Variants in MAN1B1 observed in about 807,000 individuals in gnomAD.
MAN1B1 encodes the protein endoplasmic reticulum mannosyl-oligosaccharide 1,2-alpha-mannosidase.
Under a neutral mutation model 75.5 loss-of-function variants are expected in MAN1B1, and 66 were observed. The observed-to-expected ratio is 0.87, with a 90% CI of 0.72 to 1.07. MAN1B1 has a LOEUF of 1.07. MAN1B1 is among the 50% of genes least tolerant of loss of function. The pLI is 0.00. For synonymous variants in MAN1B1, 453 were observed against 382.8 expected, an observed-to-expected ratio of 1.18 and a Z score of -2.14; for missense variants, 973 against 912.5, an observed-to-expected ratio of 1.07 and a Z score of -0.85.
At chr9:137,094,598 G>A (rs1043928679) in intron 3 of MAN1B1, among the ~76,000 whole-genome samples, 8 of 151,740 alleles carry the variant, frequency 5.3e-5, no homozygotes, top group Non-Finnish European at 8.8e-5. Flanking sequence ...ACAGGCTGGG[G>A]CCAGGCATAG....
Position 137,097,942 on chromosome 9 carries a change from G to C in MAN1B1, c.730+5G>C. The C allele has an allele frequency of 4.5e-6, 7 of 1,548,722 alleles. No individual in the cohort carries two copies. Among genetic ancestry groups the C allele is most frequent in the Non-Finnish European group, 6.1e-6 (7 of 1,144,480 alleles). On this transcript the variant is annotated splice_donor_5th_base_variant and intron_variant, in intron 5 of 12. Coordinates refer to ENST00000371589, the MANE Select transcript of MAN1B1 (RefSeq NM_016219.5). ...CCAGGACACAGGGCACACCAGGTGAGGCCACACCTGCACCCCTTCCTCCCC... is the reference window on the plus strand; with the variant it reads ...CCAGGACACAGGGCACACCAGGTGACGCCACACCTGCACCCCTTCCTCCCC...
intron 3 of MAN1B1, among the ~76,000 whole-genome samples, chr9:137,092,455 T>C (rs1328572757): frequency 6.6e-6 from 1 of 152,244 alleles, no homozygotes; most frequent in Non-Finnish European, 1.5e-5. Flanking sequence ...GGTTAGGGGC[T>C]GGATTGGTCC....
intron 4 of MAN1B1, among the ~76,000 whole-genome samples, chr9:137,096,846 C>T (rs1273501521): frequency 3.3e-5 from 5 of 152,204 alleles, no homozygotes; most frequent in East Asian, 1.9e-4. Flanking sequence ...GTGCTGGAGG[C>T]GTCTCTGCCT....
At chr9:137,101,982 CAGG>C (rs771622436) in intron 8 of MAN1B1, 7 of 539,294 alleles carry the variant, frequency 1.3e-5, no homozygotes, top group South Asian at 1.1e-4. Flanking sequence ...CATGCTGTTG[CAGG>C]AGTACAGGTC....
rs934621579 is a variant in MAN1B1, at chr9:137,091,881, C to G, written c.465+2876C>G. ...CTATGTTGCCCAGACTGGTCTCCAA[C>G]TCCTGAGCTGAAGTGATCCTCCTGC... On this transcript the variant is annotated intron_variant, in intron 3 of 12. Coordinates refer to ENST00000371589, the MANE Select transcript of MAN1B1 (RefSeq NM_016219.5). Among the ~76,000 whole-genome samples the G allele has an allele frequency of 1.1e-4, 16 of 152,146 alleles. No homozygotes were observed. The East Asian group carries it at 1.2e-3, about 11-fold the overall frequency.
chr9:137,088,472 C>T, intron 2 of MAN1B1: 4 of 1,487,510 alleles, frequency 2.7e-6, no homozygotes, highest in South Asian at 2.3e-5. Flanking sequence ...CCTAAATAAC[C>T]ACACAAATTT....
At chr9:137,091,805 C>T (rs1830524738) in intron 3 of MAN1B1, among the ~76,000 whole-genome samples, 1 of 151,510 alleles carries the variant, frequency 6.6e-6, no homozygotes. Context: ...GGATTACAGG[C>T]GTGAGCCACC....
chr9:137,091,910 A>C (rs1419775125), intron 3 of MAN1B1, among the ~76,000 whole-genome samples: 2 of 152,190 alleles, frequency 1.3e-5, no homozygotes, highest in Admixed American at 6.5e-5. Context: ...CTCCTGCCTC[A>C]GTCTCCTGAA....
intron 8 of MAN1B1, chr9:137,101,890 T>G (rs1564286226): frequency 1.5e-6 from 1 of 670,982 alleles, no homozygotes; most frequent in Admixed American, 2.1e-5. Context: ...GTTACACACA[T>G]TCACACTGTT....
intron 10 of MAN1B1, 129 bp from the exon 11 acceptor site, chr9:137,107,121 C>T (rs1461809934): frequency 3.0e-6 from 3 of 997,268 alleles, no homozygotes; most frequent in Non-Finnish European, 4.4e-6. Context: ...TGCCAAGTGC[C>T]CTCGCGTGGC....
intron 12 of MAN1B1, 80 bp from the exon 13 acceptor site, chr9:137,108,308 G>A (rs1564314777): frequency 3.2e-6 from 4 of 1,260,120 alleles, no homozygotes; most frequent in South Asian, 2.4e-5. Context: ...TCACCATGGG[G>A]TGGAGAGCGC....
At chr9:137,106,595 G>C in intron 9 of MAN1B1, 94 bp from the exon 10 acceptor site, 1 of 1,587,678 alleles carries the variant, frequency 6.3e-7, no homozygotes, top group Non-Finnish European at 8.6e-7. Context: ...CAGGCCTGCT[G>C]TACTTGTGTG....
chr9:137,087,934 C>G, intron 1 of MAN1B1, 141 bp from the exon 2 acceptor site: 1 of 751,330 alleles, frequency 1.3e-6, no homozygotes, highest in Non-Finnish European at 2.3e-6. Flanking sequence ...AGAATGAGAC[C>G]CTGTTTCCAA....
chr9:137,108,038 CAG>C (rs1801040949), intron 12 of MAN1B1: 1 of 611,260 alleles, frequency 1.6e-6, no homozygotes, highest in Non-Finnish European at 2.9e-6. Context: ...CCCTCCACGC[CAG>C]AGTGTCACTT....
At chr9:137,108,191 G>C in intron 12 of MAN1B1, 197 bp from the exon 13 acceptor site, 1 of 630,890 alleles carries the variant, frequency 1.6e-6, no homozygotes, top group Non-Finnish European at 2.8e-6. Context: ...GTGGTCACTT[G>C]AGGGTTGTTG....
At chr9:137,094,407 A>G (rs527512505) in intron 3 of MAN1B1, 2 of 503,936 alleles carry the variant, frequency 4.0e-6, no homozygotes, top group South Asian at 1.4e-5. Flanking sequence ...TAGCAGGGAG[A>G]TGAAGAGGAC....
chr9:137,097,860 G>A lies in MAN1B1; in HGVS notation c.653G>A (p.Gly218Asp), dbSNP rs768544681. 3 of 1,557,754 alleles carry A rather than the reference G, an allele frequency of 1.9e-6. No homozygotes were observed. Among genetic ancestry groups the A allele is most frequent in the Non-Finnish European group, 8.7e-7 (1 of 1,151,296 alleles). ...WRGAVIEPEQ[G>D]TELPSRRAEV... ...GGAGCGGTGATCGAGCCTGAGCAGG[G>A]CACCGAGCTCCCTTCAAGAAGAGCA... is the stretch of plus-strand genomic sequence containing the variant. The change falls in exon 5 of 13, where the codon GGC becomes GAC. Residue 218 changes from glycine to aspartate, a missense_variant. By Grantham distance (94) the Gly-to-Asp change is moderately conservative. Coordinates refer to ENST00000371589, the MANE Select transcript of MAN1B1 (RefSeq NM_016219.5).
chr9:137,102,715 C>T, intron 8 of MAN1B1: 1 of 327,532 alleles, frequency 3.1e-6, no homozygotes, highest in Non-Finnish European at 5.8e-6. Flanking sequence ...CTGTTACACA[C>T]ATTCATGCTG....
intron 3 of MAN1B1, among the ~76,000 whole-genome samples, chr9:137,090,528 C>T (rs191989940): frequency 4.6e-5 from 7 of 150,992 alleles, no homozygotes; most frequent in Admixed American, 2.0e-4. Context: ...CTCAGACTGC[C>T]GTGGGGGTGT....
Sources: gnomAD v4.1 joint callset for allele counts (sites outside exome capture counted in the v4.1 genomes callset) on GRCh38, gnomAD v4.1.1 for gene constraint, MANE v1.5 for transcripts, NCBI Gene and HGNC (gene_info 2026-07-23, HGNC 2026-07-21) for gene names.